The following SYT1 variants were observed in gnomAD, a reference collection of about 807,000 sequenced individuals.
SYT1 encodes the protein synaptotagmin 1.
Under a neutral mutation model 44.8 loss-of-function variants are expected in SYT1, and 8 were observed. That is an observed-to-expected ratio of 0.18 (90% CI 0.10 to 0.32). The LOEUF (loss-of-function observed/expected upper bound fraction) is 0.32. Ranked by LOEUF, SYT1 falls within the 10% of genes least tolerant of loss-of-function variation. The probability of loss-of-function intolerance (pLI) is 1.00; values close to 1 mark genes in which losing one functional copy is unlikely to be tolerated. For missense variants in SYT1, 286 were observed against 509.3 expected (o/e 0.56, Z 4.22); for synonymous variants, 154 against 188.8 (o/e 0.82, Z 1.51).
At chr12:79,113,247 T>C (rs1335910798) in intron 3 of SYT1, among the ~76,000 whole-genome samples, 1 of 152,170 alleles carries the variant, frequency 6.6e-6, no homozygotes, top group Non-Finnish European at 1.5e-5. Flanking sequence ...AATTGGCATC[T>C]CTAAACAACA....
chr12:79,096,430 A>C (rs1592745627), intron 3 of SYT1, among the ~76,000 whole-genome samples: 1 of 151,982 alleles, frequency 6.6e-6, no homozygotes, highest in African/African-American at 2.4e-5. Context: ...ACAATATACC[A>C]GCTAGCAGGG....
intron 5 of SYT1, among the ~76,000 whole-genome samples, chr12:79,291,369 A>C (rs923741326): frequency 6.6e-6 from 1 of 152,208 alleles, no homozygotes; most frequent in Non-Finnish European, 1.5e-5. Context: ...CTTTTGGTGG[A>C]GCTGTTATGA....
chr12:79,431,567 C>T (rs1252768798), intron 9 of SYT1, among the ~76,000 whole-genome samples: 1 of 144,620 alleles, frequency 6.9e-6, no homozygotes, highest in East Asian at 2.0e-4. Context: ...GATGGAGTTT[C>T]ACTCTTGTTG....
chr12:79,220,878 T>A (rs1339921163), intron 4 of SYT1, among the ~76,000 whole-genome samples: 1 of 152,188 alleles, frequency 6.6e-6, no homozygotes, highest in Non-Finnish European at 1.5e-5. Context: ...ATGTTTCATG[T>A]GCAGTTGAGA....
chr12:79,087,798 A>G (rs1370576469), intron 3 of SYT1, among the ~76,000 whole-genome samples: 1 of 152,156 alleles, frequency 6.6e-6, no homozygotes, highest in Non-Finnish European at 1.5e-5. Flanking sequence ...AAAATATTCC[A>G]AGTGAAAGTA....
At chr12:79,111,199 G>A (rs1389743824) in intron 3 of SYT1, among the ~76,000 whole-genome samples, 2 of 152,078 alleles carry the variant, frequency 1.3e-5, no homozygotes, top group African/African-American at 4.8e-5. Flanking sequence ...AAGCTGAGGT[G>A]GGGGGCAGTG....
intron 3 of SYT1, among the ~76,000 whole-genome samples, chr12:79,189,823 G>C (rs1468850054): frequency 1.3e-5 from 2 of 152,192 alleles, no homozygotes; most frequent in African/African-American, 2.4e-5. Context: ...AGAATCACTT[G>C]AACCCAGGAG....
intron 7 of SYT1, among the ~76,000 whole-genome samples, chr12:79,297,313 G>A (rs1006615284): frequency 2.6e-5 from 4 of 152,126 alleles, no homozygotes; most frequent in South Asian, 2.1e-4. Context: ...TTCATGAAGA[G>A]TATCTGCTCA....
At chr12:79,196,935 A>T (rs1428060176) in intron 3 of SYT1, among the ~76,000 whole-genome samples, 4 of 152,238 alleles carry the variant, frequency 2.6e-5, no homozygotes, top group Non-Finnish European at 5.9e-5. Context: ...TCTTCTGCAG[A>T]TAGGCGATGT....
rs541745565 is a variant in SYT1 at position 79,179,340 on chromosome 12, C to A, written c.-17-38163C>A. On this transcript the variant is annotated intron_variant, in intron 3 of 10. Transcript: ENST00000261205. ...GATATAGATATAGATATAGATATAT[C>A]GATATGTCTATATCGATATAGATAT... Among the ~76,000 whole-genome samples the A allele has an allele frequency of 2.0e-3, 22 of 10,858 alleles. 1 individual carries two copies. Among genetic ancestry groups the A allele is most frequent in the African/African-American group, 6.8e-3 (18 of 2,628 alleles). The allele number at this position is 10,858 out of a possible 152,430, so 7.1% of individuals were successfully genotyped here.
intron 9 of SYT1, among the ~76,000 whole-genome samples, chr12:79,360,714 C>G (rs1292922001): frequency 6.6e-6 from 1 of 152,094 alleles, no homozygotes; most frequent in Admixed American, 6.5e-5. Context: ...TAATTTTAGG[C>G]ATGAATGTTA....
At chr12:79,121,626 G>A (rs928973202) in intron 3 of SYT1, among the ~76,000 whole-genome samples, 6 of 152,160 alleles carry the variant, frequency 3.9e-5, no homozygotes, top group Non-Finnish European at 7.3e-5. Context: ...CCATTTCTTA[G>A]TGTGGGTATA....
intron 8 of SYT1, among the ~76,000 whole-genome samples, chr12:79,320,337 T>C (rs1419739729): frequency 6.6e-6 from 1 of 152,190 alleles, no homozygotes; most frequent in African/African-American, 2.4e-5. Flanking sequence ...ACTAAATGCT[T>C]GTCATTTGGT....
At chr12:79,031,320 C>G (rs1872816681) in intron 2 of SYT1, among the ~76,000 whole-genome samples, 1 of 150,900 alleles carries the variant, frequency 6.6e-6, no homozygotes, top group South Asian at 2.1e-4. Context: ...TTCTGATATT[C>G]CCTTTTAAGT....
chr12:79,139,025 C>T (rs759152634), intron 3 of SYT1, among the ~76,000 whole-genome samples: 4 of 152,174 alleles, frequency 2.6e-5, no homozygotes, highest in East Asian at 1.9e-4. Context: ...GCATTTCCTT[C>T]GCCTCAGCCT....
chr12:78,864,988 T>G lies in SYT1; in HGVS notation c.-338T>G, dbSNP rs1326489493. 1.3e-5 allele frequency: 2 copies of G among 152,242 alleles called. No individual in the cohort carries two copies. The highest frequency in any genetic ancestry group is 2.4e-5 in the African/African-American group (1 of 41,402). The allele number at this position is 152,242 out of a possible 1,614,324, so 9.4% of individuals were successfully genotyped here. A position where few individuals can be genotyped will look rare whatever the true frequency, so the allele number is the denominator to read the frequency against. The stretch of plus-strand genomic sequence containing the variant: ...CACACCCACACCCACACACCCCTTT[T>G]GTGTTGCAGGCTGCCCCTCCAAGAG... On this transcript the variant is annotated 5_prime_UTR_variant, in exon 1 of 11. Transcript: ENST00000261205.
intron 3 of SYT1, among the ~76,000 whole-genome samples, chr12:79,174,164 GC>G (rs2138364885): frequency 6.6e-6 from 1 of 152,172 alleles, no homozygotes; most frequent in African/African-American, 2.4e-5. Context: ...AATTTTGAGG[GC>G]CAAATAGCAG....
chr12:79,040,914 G>T (rs1802303230), intron 2 of SYT1, among the ~76,000 whole-genome samples: 1 of 150,084 alleles, frequency 6.7e-6, no homozygotes, highest in African/African-American at 2.4e-5. Flanking sequence ...TCTCAGGTTT[G>T]TCAAAGATCA....
chr12:79,203,148 G>C (rs184689859), intron 3 of SYT1, among the ~76,000 whole-genome samples: 61 of 152,160 alleles, frequency 4.0e-4, no homozygotes, highest in Non-Finnish European at 5.9e-4. Flanking sequence ...CTCGTTTTTG[G>C]CAGATGTAAT....
Sources: gnomAD v4.1 joint callset for allele counts (sites outside exome capture counted in the v4.1 genomes callset) on GRCh38, gnomAD v4.1.1 for gene constraint, MANE v1.5 for transcripts, NCBI Gene and HGNC (gene_info 2026-07-23, HGNC 2026-07-21) for gene names.